Variants in RLBP1 observed in about 807,000 individuals in gnomAD.
RLBP1 encodes the protein retinaldehyde-binding protein 1.
A neutral mutation model predicts 36.2 loss-of-function variants in RLBP1; 26 were observed. The observed-to-expected ratio is 0.72, with a 90% CI of 0.53 to 1.00. RLBP1 has a LOEUF of 1.00. RLBP1 is among the 50% of genes least tolerant of loss of function. The pLI is 0.00. For synonymous variants in RLBP1, 155 were observed against 156.2 expected (o/e 0.99, Z 0.06); for missense variants, 410 against 402.4 (o/e 1.02, Z -0.16).
rs910880845 is a variant in RLBP1 at position 89,210,230 on chromosome 15, C to A, written c.*55G>T. 1.2e-6 allele frequency: 2 copies of A among 1,601,562 alleles called. No homozygotes were observed. The highest frequency in any genetic ancestry group is 1.7e-6 in the Non-Finnish European group (2 of 1,171,950). On this transcript the variant is annotated 3_prime_UTR_variant, in exon 9 of 9. Coordinates refer to ENST00000268125, the MANE Select transcript of RLBP1 (RefSeq NM_000326.5). This position sits in a 1 kb window ranked among gnomAD's most constrained non-coding sequence, Gnocchi z 4.7. The stretch of plus-strand genomic sequence containing the variant: ...CCCTTTCCTAGCCTTGGGTCCAGGA[C>A]AGTTGAGGAGAGGCCCAGAGATTCT...
chr15:89,213,587 A>T (rs1004644560), intron 6 of RLBP1, among the ~76,000 whole-genome samples: 1 of 152,246 alleles, frequency 6.6e-6, no homozygotes, highest in African/African-American at 2.4e-5. Flanking sequence ...TGAGGAAAAA[A>T]TTTTTAAAAC....
At position 89,218,925 on chromosome 15, in the gene RLBP1, A is replaced by AGGTGGGTG; in HGVS notation, c.12+31_12+38dup. On this transcript the variant is annotated intron_variant, in intron 3 of 8. Coordinates refer to ENST00000268125, the MANE Select transcript of RLBP1 (RefSeq NM_000326.5). This position sits in a 1 kb window ranked among gnomAD's most constrained non-coding sequence, Gnocchi z 4.6. The stretch of plus-strand genomic sequence containing the variant: ...AGAGGGAAGAGAGAGAAGAGAGGGA[A>AGGTGGGTG]GGTGGGTGGAGGAGAGCCCTGGAGG... The AGGTGGGTG allele has an allele frequency of 1.2e-6, 2 of 1,608,326 alleles. No individual in the cohort carries two copies. Among genetic ancestry groups the AGGTGGGTG allele is most frequent in the Non-Finnish European group, 1.7e-6 (2 of 1,175,224 alleles).
rs1176828565 is a variant in RLBP1, at chr15:89,218,448, G to A, written c.141+117C>T. ...ACCTTAGAACCGGCCAGTCTATCAG[G>A]TCCAGGATGATCTGGAGTGCCGAGG... On this transcript the variant is annotated intron_variant, in intron 4 of 8. Transcript: ENST00000268125. This position sits in a 1 kb window ranked among gnomAD's most constrained non-coding sequence, Gnocchi z 4.6. 1 of 1,469,690 alleles carries A rather than the reference G, an allele frequency of 6.8e-7. No homozygotes were observed. The highest frequency in any genetic ancestry group is 9.4e-7 in the Non-Finnish European group (1 of 1,059,840). 91.0% of individuals were successfully genotyped at this position (1,469,690 alleles called of 1,614,324 possible).
intron 6 of RLBP1, among the ~76,000 whole-genome samples, chr15:89,213,582 A>G (rs1047035383): frequency 3.3e-5 from 5 of 152,234 alleles, no homozygotes; most frequent in Non-Finnish European, 5.9e-5. Flanking sequence ...CGTTGTGAGG[A>G]AAAAATTTTT....
In RLBP1 at chr15:89,218,672, G is replaced by A. The variant is rs1390498593; in HGVS notation, c.34C>T (p.Pro12Ser). Residue 12 changes from proline to serine, a missense_variant, in exon 4 of 9, where the codon CCT (proline) becomes TCT (serine). Physicochemically the swap from Pro to Ser is moderately conservative, Grantham distance 74 (BLOSUM62 -1). Transcript: ENST00000268125. The surrounding 1 kb of genome is among the most constrained non-coding windows in gnomAD (Gnocchi z 4.6). ...SEGVGTFRMV[P>S]EEEQELRAQL... Reference sequence around the variant, plus strand: ...GCACGGAGCTCCTGTTCCTCTTCAGGTACCATGCGGAACGTGCCCACCTGG... The same window carrying A: ...GCACGGAGCTCCTGTTCCTCTTCAGATACCATGCGGAACGTGCCCACCTGG... 6.2e-7 allele frequency: 1 copy of A among 1,614,196 alleles called. No homozygotes were observed. The highest frequency in any genetic ancestry group is 8.5e-7 in the Non-Finnish European group (1 of 1,180,042).
At chr15:89,219,597 C>T (rs62020305) in intron 2 of RLBP1, 140 bp downstream of exon 2, 3,888 of 158,254 alleles carry the variant, frequency 0.025, 75 homozygotes, top group Non-Finnish European at 0.038. Context: ...TTGTGATGCA[C>T]TAAGTACTTT....
chr15:89,212,410 C>T, intron 6 of RLBP1, among the ~76,000 whole-genome samples: 1 of 151,684 alleles, frequency 6.6e-6, no homozygotes, highest in East Asian at 2.0e-4. Context: ...GGTGAAACCC[C>T]ATCTCAACTA....
Position 89,219,047 on chromosome 15 carries a change from G to A in RLBP1, c.-72C>T, listed in dbSNP as rs886051501. 3.4e-5 allele frequency: 55 copies of A among 1,596,452 alleles called. No individual in the cohort carries two copies. The Middle Eastern group carries it at 7.2e-4, about 21-fold the overall frequency. The stretch of plus-strand genomic sequence containing the variant: ...TTTCTCTGTCCTGGCCTCTCCAGCC[G>A]GCCCCTTCCCTAGGATAGGAAGTCA... On this transcript the variant is annotated 5_prime_UTR_variant, in exon 3 of 9. Transcript: ENST00000268125.
intron 1 of RLBP1, among the ~76,000 whole-genome samples, chr15:89,220,939 G>C (rs1167332431): frequency 6.6e-6 from 1 of 151,788 alleles, no homozygotes; most frequent in Non-Finnish European, 1.5e-5. Context: ...CTCACACCAT[G>C]CTGATGCTGT....
chr15:89,216,210 G>A (rs2051578051), intron 5 of RLBP1, among the ~76,000 whole-genome samples: 1 of 152,146 alleles, frequency 6.6e-6, no homozygotes, highest in African/African-American at 2.4e-5. Flanking sequence ...ATTTGGAGAA[G>A]GAAGAAGTAG....
rs2051541171 is a variant in RLBP1, at chr15:89,211,866, C to T, written c.561G>A (p.Leu187=). The change falls in exon 7 of 9, where the codon CTG becomes CTA. Residue 187 remains leucine, a synonymous_variant. Transcript: ENST00000268125. This position sits in a 1 kb window ranked among gnomAD's most constrained non-coding sequence, Gnocchi z 5.8. ...LQAYCFILEK[L]LENEETQING... ...TGATTTGAGTTTCCTCATTCTCCAG[C>T]AGCTTCTCCAGGATGAAGCAATATG... 6.2e-7 allele frequency: 1 copy of T among 1,614,238 alleles called. No individual in the cohort carries two copies. The highest frequency in any genetic ancestry group is 8.5e-7 in the Non-Finnish European group (1 of 1,180,034).
At position 89,210,307 on chromosome 15, in the gene RLBP1, TG is replaced by T; in HGVS notation, c.931del (p.Gln311LysfsTer18). On this transcript the variant is annotated frameshift_variant, in exon 9 of 9. Transcript: ENST00000268125. LOFTEE classifies it high-confidence loss of function. The surrounding 1 kb of genome is among the most constrained non-coding windows in gnomAD (Gnocchi z 4.7). Reference protein sequence around the residue: ...VAEQLFGPQAQAENTAF With the variant: ...VAEQLFGPQAXAENTAF ...TTTTCAGAAGGCTGTGTTCTCAGCTTGGGCCTGGGGGCCAAAGAGCTGCTCA... is the reference window on the plus strand; with the variant it reads ...TTTTCAGAAGGCTGTGTTCTCAGCTTGGCCTGGGGGCCAAAGAGCTGCTCA... The T allele has an allele frequency of 6.2e-7, 1 of 1,614,206 alleles. No homozygotes were observed. The highest frequency in any genetic ancestry group is 1.1e-5 in the South Asian group (1 of 91,080).
In RLBP1 at chr15:89,210,273, CAGG is replaced by C. The variant is rs768097300; in HGVS notation, c.*9_*11del. The C allele has an allele frequency of 5.1e-5, 82 of 1,613,682 alleles. No individual in the cohort carries two copies. Among genetic ancestry groups the C allele is most frequent in the Non-Finnish European group, 6.7e-5 (79 of 1,180,008 alleles). On this transcript the variant is annotated 3_prime_UTR_variant, in exon 9 of 9. Coordinates refer to ENST00000268125, the MANE Select transcript of RLBP1 (RefSeq NM_000326.5). This position sits in a 1 kb window ranked among gnomAD's most constrained non-coding sequence, Gnocchi z 4.7. Reference sequence around the variant, plus strand: ...GAGATTCTAACTACAGTTCAGCTGGCAGGAGATGTTTTCAGAAGGCTGTGTTCT... The same window carrying C: ...GAGATTCTAACTACAGTTCAGCTGGCAGATGTTTTCAGAAGGCTGTGTTCT...
rs150087342 is a variant in RLBP1 at position 89,220,057 on chromosome 15, T to C, written c.-223-198A>G. 4.9e-3 allele frequency among the ~76,000 whole-genome samples: 750 copies of C among 152,330 alleles called. 2 individuals are homozygous for C. Among genetic ancestry groups the C allele is most frequent in the African/African-American group, 0.017 (714 of 41,574 alleles). On this transcript the variant is annotated intron_variant, in intron 1 of 8. Coordinates refer to ENST00000268125, the MANE Select transcript of RLBP1 (RefSeq NM_000326.5). ...TGCCTTCAAGAACCCTTCACCATCC[T>C]GCTCCTGCATGTGACCAGGTTCCAT... is the stretch of plus-strand genomic sequence containing the variant.
intron 4 of RLBP1, 97 bp from the exon 5 acceptor site, chr15:89,217,421 AG>A (rs1164258971): frequency 8.2e-7 from 1 of 1,220,324 alleles, no homozygotes; most frequent in African/African-American, 1.5e-5. Flanking sequence ...AGACCAGCCA[AG>A]GGGGCCCAGG....
Position 89,214,912 on chromosome 15 carries a change from G to A in RLBP1, c.525+148C>T. ...CATCCTAGGAATTCTCTCCCTGCCT[G>A]GAAAGGGCTAGGTGGCAGGTGGCTG... On this transcript the variant is annotated intron_variant, in intron 6 of 8. Coordinates refer to ENST00000268125, the MANE Select transcript of RLBP1 (RefSeq NM_000326.5). This position sits in a 1 kb window ranked among gnomAD's most constrained non-coding sequence, Gnocchi z 4.6. 3 of 791,724 alleles carry A rather than the reference G, an allele frequency of 3.8e-6. No homozygotes were observed. The highest frequency in any genetic ancestry group is 6.3e-6 in the Non-Finnish European group (3 of 478,094). 49.0% of individuals were successfully genotyped at this position (791,724 alleles called of 1,614,324 possible).
At chr15:89,220,820 C>T (rs1029724975) in intron 1 of RLBP1, among the ~76,000 whole-genome samples, 3 of 152,106 alleles carry the variant, frequency 2.0e-5, no homozygotes, top group South Asian at 2.1e-4. Context: ...TTTAGGAATA[C>T]AGGGTTCAAG....
At chr15:89,220,256 T>G (rs536846074) in intron 1 of RLBP1, among the ~76,000 whole-genome samples, 18 of 152,308 alleles carry the variant, frequency 1.2e-4, no homozygotes, top group Admixed American at 9.8e-4. Flanking sequence ...TGGGTTTGAA[T>G]CAGGCTTTGT....
chr15:89,215,790 C>A (rs1431829138), intron 5 of RLBP1, among the ~76,000 whole-genome samples: 1 of 152,206 alleles, frequency 6.6e-6, no homozygotes, highest in African/African-American at 2.4e-5. Flanking sequence ...CCCTAGAGGA[C>A]CTGGGCACCT....
Sources: allele counts gnomAD v4.1 joint callset (sites outside exome capture counted in the v4.1 genomes callset), GRCh38; gene constraint gnomAD v4.1.1; non-coding constraint Gnocchi (gnomAD v3.1); transcripts MANE v1.5; gene names NCBI Gene and HGNC (gene_info 2026-07-23, HGNC 2026-07-21).